The following ARHGAP24 variants were observed in gnomAD, a reference collection of about 807,000 sequenced individuals.
The protein encoded by ARHGAP24 is rho GTPase-activating protein 24.
ARHGAP24 carries 50 observed loss-of-function variants against 76.4 expected under a neutral mutation model. That is an observed-to-expected ratio of 0.65 (90% confidence interval 0.52 to 0.83). The LOEUF is 0.83. Among genes scored for constraint, ARHGAP24 ranks in the 40% least tolerant of loss-of-function variants. The probability of loss-of-function intolerance (pLI) is 0.00; values close to 1 mark genes in which losing one functional copy is unlikely to be tolerated. For missense variants in ARHGAP24, 930 were observed against 914.2 expected (o/e 1.02, Z -0.22); for synonymous variants, 345 against 323.3 (o/e 1.07, Z -0.72).
chr4:85,661,879 G>T (rs1428220381), intron 2 of ARHGAP24, among the ~76,000 whole-genome samples: 1 of 152,172 alleles, frequency 6.6e-6, no homozygotes, highest in East Asian at 1.9e-4. Flanking sequence ...AGAATTCCAT[G>T]GTGTATATGT....
chr4:85,563,284 A>G (rs1363516516), intron 1 of ARHGAP24, among the ~76,000 whole-genome samples: 1 of 152,226 alleles, frequency 6.6e-6, no homozygotes, highest in African/African-American at 2.4e-5. Flanking sequence ...GCAAGATACC[A>G]TAGACTGTGT....
At chr4:85,505,266 C>T (rs1229128759) in intron 1 of ARHGAP24, among the ~76,000 whole-genome samples, 1 of 152,096 alleles carries the variant, frequency 6.6e-6, no homozygotes, top group African/African-American at 2.4e-5. Context: ...GAATGTTGGC[C>T]TGCCTTGCTA....
chr4:85,983,501 TA>T (rs1739803955), intron 8 of ARHGAP24, among the ~76,000 whole-genome samples: 1 of 152,120 alleles, frequency 6.6e-6, no homozygotes. Flanking sequence ...CATTGGAACT[TA>T]AACAAATTTA....
At chr4:85,825,719 A>T (rs907140055) in intron 3 of ARHGAP24, among the ~76,000 whole-genome samples, 9 of 152,218 alleles carry the variant, frequency 5.9e-5, no homozygotes, top group Non-Finnish European at 1.0e-4. Context: ...GTTAAAAAAA[A>T]TCAAAACTCA....
At chr4:85,500,029 G>A (rs1723740304) in intron 1 of ARHGAP24, among the ~76,000 whole-genome samples, 1 of 151,916 alleles carries the variant, frequency 6.6e-6, no homozygotes, top group African/African-American at 2.4e-5. Flanking sequence ...AAATTGAGAT[G>A]TACTGGAAAT....
chr4:85,687,022 G>A (rs2110014676), intron 2 of ARHGAP24, among the ~76,000 whole-genome samples: 1 of 151,886 alleles, frequency 6.6e-6, no homozygotes, highest in East Asian at 1.9e-4. Flanking sequence ...GGATGGAGGG[G>A]GGAGAAAACA....
At chr4:85,506,526 T>C (rs972514394) in intron 1 of ARHGAP24, among the ~76,000 whole-genome samples, 5 of 152,146 alleles carry the variant, frequency 3.3e-5, no homozygotes, top group African/African-American at 9.7e-5. Flanking sequence ...TGAGCAAGGC[T>C]CTGTGGGCAT....
chr4:85,589,282 G>A (rs2623767), intron 2 of ARHGAP24, among the ~76,000 whole-genome samples: 135,781 of 152,270 alleles, frequency 0.89, 60,748 homozygotes, highest in East Asian at 0.98. Context: ...TCTTAAACCA[G>A]TAGAAGATTG....
chr4:85,514,319 C>T (rs890462396), intron 1 of ARHGAP24, among the ~76,000 whole-genome samples: 1 of 152,152 alleles, frequency 6.6e-6, no homozygotes, highest in African/African-American at 2.4e-5. Context: ...CTGGCCTTTG[C>T]ATGCCTTCAC....
intron 2 of ARHGAP24, among the ~76,000 whole-genome samples, chr4:85,649,451 C>G (rs1015070807): frequency 1.3e-5 from 2 of 151,972 alleles, no homozygotes; most frequent in Non-Finnish European, 1.5e-5. Flanking sequence ...GAACTCAAAC[C>G]CAGGCATTCT....
chr4:85,606,701 A>G (rs1179616650), intron 2 of ARHGAP24, among the ~76,000 whole-genome samples: 1 of 152,154 alleles, frequency 6.6e-6, no homozygotes, highest in Non-Finnish European at 1.5e-5. Context: ...ACTAACTGAC[A>G]GGCACTATTC....
intron 1 of ARHGAP24, among the ~76,000 whole-genome samples, chr4:85,569,049 A>T (rs1726965733): frequency 6.6e-6 from 1 of 152,258 alleles, no homozygotes; most frequent in Non-Finnish European, 1.5e-5. Context: ...CCTTCAAGGA[A>T]GAAACAAAAA....
chr4:85,519,850 C>A (rs1248049382), intron 1 of ARHGAP24, among the ~76,000 whole-genome samples: 2 of 152,102 alleles, frequency 1.3e-5, no homozygotes, highest in Non-Finnish European at 2.9e-5. Context: ...CCAAAGAAAA[C>A]TCTTTGTCTT....
chr4:85,629,912 A>G (rs1276500816), intron 2 of ARHGAP24, among the ~76,000 whole-genome samples: 1 of 152,056 alleles, frequency 6.6e-6, no homozygotes, highest in African/African-American at 2.4e-5. Context: ...CTATGTATTT[A>G]TTTAAATGAG....
chr4:85,931,147 A>G, intron 4 of ARHGAP24: 3 of 1,199,242 alleles, frequency 2.5e-6, no homozygotes, highest in Non-Finnish European at 3.5e-6. Flanking sequence ...GGAAACCAAG[A>G]GCTTAGGACT....
intron 5 of ARHGAP24, among the ~76,000 whole-genome samples, chr4:85,954,094 C>T (rs936794970): frequency 6.6e-6 from 1 of 152,128 alleles, no homozygotes; most frequent in African/African-American, 2.4e-5. Context: ...CATTTGACCA[C>T]CATTGCATTA....
intron 2 of ARHGAP24, among the ~76,000 whole-genome samples, chr4:85,704,132 TATTCA>T (rs1002693973): frequency 6.6e-6 from 1 of 152,250 alleles, no homozygotes; most frequent in African/African-American, 2.4e-5. Flanking sequence ...TGCAGAGTAG[TATTCA>T]ATTCAATTGT....
chr4:85,911,476 A>G (rs1013855097), intron 3 of ARHGAP24, among the ~76,000 whole-genome samples: 3 of 152,248 alleles, frequency 2.0e-5, no homozygotes, highest in Admixed American at 6.5e-5. Context: ...GTTTAATTTT[A>G]AAGAGTTTTA....
intron 2 of ARHGAP24, among the ~76,000 whole-genome samples, chr4:85,611,873 C>A (rs1305319179): frequency 1.3e-5 from 2 of 152,110 alleles, no homozygotes; most frequent in African/African-American, 4.8e-5. Flanking sequence ...AAGTTGTTTC[C>A]TTCTTCATTC....
Sources: allele counts gnomAD v4.1 joint callset (sites outside exome capture counted in the v4.1 genomes callset), GRCh38; gene constraint gnomAD v4.1.1; transcripts MANE v1.5; gene names NCBI Gene and HGNC (gene_info 2026-07-23, HGNC 2026-07-21).